AGO2: variants seen among roughly 807,000 people sequenced by gnomAD.
AGO2 encodes the protein argonaute RISC catalytic component 2, also known as protein argonaute-2.
Under a neutral mutation model 102.3 loss-of-function variants are expected in AGO2, and 5 were observed. The ratio of observed to expected loss-of-function variants is 0.05; its 90% CI spans 0.03 to 0.10. The LOEUF is 0.10. Ranked by LOEUF, AGO2 falls within the 10% of genes least tolerant of loss-of-function variation. The pLI is 1.00. For missense variants in AGO2, 541 were observed against 1,183.7 expected (o/e 0.46, Z 7.97); for synonymous variants, 449 against 473.1 (o/e 0.95, Z 0.66).
intron 2 of AGO2, among the ~76,000 whole-genome samples, chr8:140,573,542 A>G (rs983224249): frequency 6.6e-6 from 1 of 152,106 alleles, no homozygotes; most frequent in African/African-American, 2.4e-5. Context: ...ATGACTTCCA[A>G]CTTCTATAAA....
rs576451918 is a variant in AGO2, at chr8:140,551,036, G to A, written c.1403+267C>T. Among the ~76,000 whole-genome samples the A allele has an allele frequency of 2.6e-5, 4 of 152,290 alleles. No homozygotes were observed. In the South Asian group the frequency reaches 8.3e-4, roughly 32 times the overall value. On this transcript the variant is annotated intron_variant, in intron 11 of 18. Coordinates refer to ENST00000220592, the MANE Select transcript of AGO2 (RefSeq NM_012154.5). ...TACTTATAAATTTCCTTCAGATCCT[G>A]TTTGGTTTTGTCTACGGTCTGCGTT...
At chr8:140,538,826 C>T (rs748340580) in intron 16 of AGO2, among the ~76,000 whole-genome samples, 12 of 152,216 alleles carry the variant, frequency 7.9e-5, no homozygotes, top group Non-Finnish European at 1.8e-4. Context: ...TTTGGTGGGG[C>T]GCAGTGGTTC....
At chr8:140,562,413 A>G in intron 4 of AGO2, 40 bp downstream of exon 4, 1 of 1,582,852 alleles carries the variant, frequency 6.3e-7, no homozygotes, top group Non-Finnish European at 8.6e-7. Flanking sequence ...TCGGAGCTGC[A>G]GGGGAGTCCC....
intron 2 of AGO2, among the ~76,000 whole-genome samples, chr8:140,584,080 A>T (rs1464998175): frequency 1.3e-5 from 2 of 151,648 alleles, no homozygotes; most frequent in Non-Finnish European, 2.9e-5. Flanking sequence ...TGCAATGTAC[A>T]TCTAGAATAT....
chr8:140,544,061 C>A, intron 14 of AGO2, 152 bp downstream of exon 14: 1 of 805,960 alleles, frequency 1.2e-6, no homozygotes, highest in Non-Finnish European at 1.9e-6. Flanking sequence ...CTCCAGACAC[C>A]TCTCTCCCAC....
At position 140,555,241 on chromosome 8, in the gene AGO2, C is replaced by T. The variant is rs573960925; in HGVS notation, c.1269+655G>A. Among the ~76,000 whole-genome samples the T allele has an allele frequency of 2.7e-4, 41 of 152,234 alleles. No homozygotes were observed. In the South Asian group the frequency reaches 8.5e-3, roughly 32 times the overall value. On this transcript the variant is annotated intron_variant, in intron 10 of 18. Coordinates refer to ENST00000220592, the MANE Select transcript of AGO2 (RefSeq NM_012154.5). ...CCATCAGACATGGTATGCTTGCAAC[C>T]GTGGTATGCAAGCGAGCCCAGGAGG...
chr8:140,582,183 T>G (rs956720784), intron 2 of AGO2, among the ~76,000 whole-genome samples: 1 of 152,202 alleles, frequency 6.6e-6, no homozygotes, highest in African/African-American at 2.4e-5. Flanking sequence ...GGAGGAATTA[T>G]TTAATCGGAT....
intron 1 of AGO2, among the ~76,000 whole-genome samples, chr8:140,597,159 T>A (rs1012913501): frequency 7.2e-5 from 11 of 152,168 alleles, no homozygotes; most frequent in African/African-American, 2.7e-4. Flanking sequence ...ACCACGCCCC[T>A]GCACTGTGTC....
intron 3 of AGO2, among the ~76,000 whole-genome samples, chr8:140,566,540 T>C (rs1266378645): frequency 1.3e-5 from 2 of 152,154 alleles, no homozygotes; most frequent in Non-Finnish European, 2.9e-5. Context: ...AAAATGCACA[T>C]TTGGCATAAC....
At chr8:140,560,613 A>G (rs1209347441) in intron 4 of AGO2, 103 bp from the exon 5 acceptor site, 10 of 1,379,168 alleles carry the variant, frequency 7.3e-6, no homozygotes, top group Non-Finnish European at 8.8e-6. Context: ...CCCTCATCAG[A>G]GTTCCGTTTC....
the AGO2 span, among the ~76,000 whole-genome samples, chr8:140,641,349 A>G: frequency 3.3e-5 from 5 of 151,422 alleles, no homozygotes; most frequent in Admixed American, 1.3e-4. Context: ...ACAGCAACCT[A>G]TCTTTCATAG....
intron 1 of AGO2, among the ~76,000 whole-genome samples, chr8:140,620,513 A>G (rs957601656): frequency 1.4e-4 from 21 of 152,322 alleles, no homozygotes; most frequent in African/African-American, 1.9e-4. Flanking sequence ...AGTGTTCCTT[A>G]TATCTTCTCC....
chr8:140,564,721 T>A (rs558692084), intron 3 of AGO2, among the ~76,000 whole-genome samples: 59 of 152,270 alleles, frequency 3.9e-4, no homozygotes, highest in Non-Finnish European at 7.5e-4. Context: ...GGCAGATGGA[T>A]CACCTAAGGT....
chr8:140,539,210 A>T lies in AGO2; in HGVS notation c.2169+110T>A. ...GCCCCTTAGAGGACAGAGTCACCCT[A>T]GAGCCTGGGACAGCGGCACTGTGGC... On this transcript the variant is annotated intron_variant, in intron 16 of 18. Transcript: ENST00000220592. This position sits in a 1 kb window ranked among gnomAD's most constrained non-coding sequence, Gnocchi z 4.7. 6.9e-7 allele frequency: 1 copy of T among 1,455,830 alleles called. No homozygotes were observed. The highest frequency in any genetic ancestry group is 9.2e-7 in the Non-Finnish European group (1 of 1,088,638). 90.2% of individuals were successfully genotyped at this position (1,455,830 alleles called of 1,614,324 possible).
In AGO2 at chr8:140,570,668, G is replaced by A. The variant is rs1312672916; in HGVS notation, c.336+2144C>T. On this transcript the variant is annotated intron_variant, in intron 3 of 18. Coordinates refer to ENST00000220592, the MANE Select transcript of AGO2 (RefSeq NM_012154.5). ...CCGGACGGGGATGTACATGCTCACT[G>A]AAGTCTCACAAAGCCCCTGGGAAGT... 1.3e-5 allele frequency among the ~76,000 whole-genome samples: 2 copies of A among 152,156 alleles called. 1 individual carries two copies.
intron 1 of AGO2, among the ~76,000 whole-genome samples, chr8:140,598,884 A>G (rs1021388350): frequency 5.3e-5 from 8 of 152,168 alleles, no homozygotes; most frequent in Admixed American, 2.6e-4. Flanking sequence ...GTGGGCTCGC[A>G]CCACCAGCCT....
intron 2 of AGO2, among the ~76,000 whole-genome samples, chr8:140,581,100 G>A (rs1218816114): frequency 6.6e-6 from 1 of 152,264 alleles, no homozygotes; most frequent in Non-Finnish European, 1.5e-5. Flanking sequence ...TACCGCACCA[G>A]TCAACAGCCC....
chr8:140,637,563 G>A (rs1361643773), upstream of AGO2: 1 of 152,296 alleles, frequency 6.6e-6, no homozygotes, highest in Non-Finnish European at 1.5e-5. Flanking sequence ...TGCTGGCGGA[G>A]GGGTGCCATT....
intron 1 of AGO2, among the ~76,000 whole-genome samples, chr8:140,629,182 A>G (rs1588519743): frequency 6.6e-6 from 1 of 152,332 alleles, no homozygotes; most frequent in African/African-American, 2.4e-5. Flanking sequence ...TTGACAGATC[A>G]AACAGGAAGA....
Sources: allele counts gnomAD v4.1 joint callset (sites outside exome capture counted in the v4.1 genomes callset), GRCh38; gene constraint gnomAD v4.1.1; non-coding constraint Gnocchi (gnomAD v3.1); transcripts MANE v1.5; gene names NCBI Gene and HGNC (gene_info 2026-07-23, HGNC 2026-07-21).